The following IQCM variants were observed in gnomAD, a reference collection of about 807,000 sequenced individuals.
IQCM encodes the protein IQ domain-containing protein M.
Under a neutral mutation model 57.6 loss-of-function variants are expected in IQCM, and 45 were observed. That is an observed-to-expected ratio of 0.78 (90% confidence interval 0.62 to 1.00). IQCM has a LOEUF of 1.00. Among genes scored for constraint, IQCM ranks in the 50% least tolerant of loss-of-function variants. IQCM has a pLI of 0.00. For synonymous variants in IQCM, 148 were observed against 158.9 expected, an observed-to-expected ratio of 0.93 and a Z score of 0.51; for missense variants, 468 against 511.6, an observed-to-expected ratio of 0.91 and a Z score of 0.82.
chr4:149,738,475 C>G (rs577732864), intron 3 of IQCM, among the ~76,000 whole-genome samples: 2 of 152,294 alleles, frequency 1.3e-5, no homozygotes, highest in South Asian at 2.1e-4. Context: ...CTGATTTCCC[C>G]TGTCCACAAG....
intron 8 of IQCM, among the ~76,000 whole-genome samples, chr4:149,605,005 A>T (rs1207563965): frequency 6.6e-6 from 1 of 152,216 alleles, no homozygotes; most frequent in Non-Finnish European, 1.5e-5. Flanking sequence ...TCACAATCAC[A>T]TATCTGTTTA....
chr4:149,795,422 T>C (rs1773023947), intron 2 of IQCM, among the ~76,000 whole-genome samples: 1 of 152,148 alleles, frequency 6.6e-6, no homozygotes, highest in Admixed American at 6.5e-5. Flanking sequence ...GGGGAATCAC[T>C]GATCCCAGTG....
At chr4:149,475,526 T>A (rs1055725036) in intron 12 of IQCM, among the ~76,000 whole-genome samples, 2 of 152,014 alleles carry the variant, frequency 1.3e-5, no homozygotes, top group Non-Finnish European at 2.9e-5. Context: ...ATATACAGCA[T>A]ATAAATGATA....
chr4:149,631,750 C>T (rs936744007), intron 7 of IQCM, among the ~76,000 whole-genome samples: 7 of 152,166 alleles, frequency 4.6e-5, no homozygotes, highest in Non-Finnish European at 8.8e-5. Context: ...AAATACCTGA[C>T]TCACATACTG....
rs192657456 is a variant in IQCM, at chr4:149,691,399, G to A, written c.386-4931C>T. On this transcript the variant is annotated intron_variant, in intron 5 of 13. Coordinates refer to ENST00000636793, the MANE Select transcript of IQCM (RefSeq NM_001363507.2). ...GTATCTACTTAGTAAAAATTGCTAT[G>A]CTAACTCCTGGGAGGGGAGCAGTGT... 9.2e-5 allele frequency among the ~76,000 whole-genome samples: 14 copies of A among 152,206 alleles called. No homozygotes were observed. In the East Asian group the frequency reaches 2.7e-3, roughly 30 times the overall value.
chr4:149,776,418 C>G (rs2149999255), intron 2 of IQCM, among the ~76,000 whole-genome samples: 1 of 152,110 alleles, frequency 6.6e-6, no homozygotes, highest in East Asian at 1.9e-4. Context: ...AATGCTTGAA[C>G]TTAGGTTTTC....
intron 13 of IQCM, among the ~76,000 whole-genome samples, chr4:149,397,692 A>AT (rs1169584232): frequency 6.6e-6 from 1 of 151,952 alleles, no homozygotes; most frequent in Non-Finnish European, 1.5e-5. Context: ...TAATACAACA[A>AT]TTTTTTAGTC....
At chr4:149,747,313 C>G (rs1015479759) in intron 2 of IQCM, among the ~76,000 whole-genome samples, 6 of 152,214 alleles carry the variant, frequency 3.9e-5, no homozygotes, top group Middle Eastern at 3.4e-3. Flanking sequence ...TTCCAAGACC[C>G]CTGTAGATGT....
At chr4:149,763,036 C>A (rs1234210191) in intron 2 of IQCM, among the ~76,000 whole-genome samples, 1 of 152,024 alleles carries the variant, frequency 6.6e-6, no homozygotes, top group Admixed American at 6.6e-5. Context: ...AAGTTAAATT[C>A]AAAAGGCTAT....
chr4:149,366,033 TAGG>T (rs1729806907), intron 13 of IQCM, among the ~76,000 whole-genome samples: 1 of 152,100 alleles, frequency 6.6e-6, no homozygotes, highest in Non-Finnish European at 1.5e-5. Flanking sequence ...TAGATGTTAA[TAGG>T]AGAAGTAGGG....
At chr4:149,451,849 T>C (rs1219191513) in intron 12 of IQCM, among the ~76,000 whole-genome samples, 1 of 151,716 alleles carries the variant, frequency 6.6e-6, no homozygotes, top group African/African-American at 2.4e-5. Flanking sequence ...CCTTTCACCA[T>C]AGTGGTGATT....
chr4:149,532,731 T>A (rs1025968439), intron 12 of IQCM, among the ~76,000 whole-genome samples: 1 of 152,102 alleles, frequency 6.6e-6, no homozygotes, highest in Non-Finnish European at 1.5e-5. Flanking sequence ...ATCTCTTCCC[T>A]CCTTTCTACA....
At chr4:149,810,867 C>A (rs180749128) in intron 2 of IQCM, among the ~76,000 whole-genome samples, 32 of 152,146 alleles carry the variant, frequency 2.1e-4, no homozygotes, top group Admixed American at 9.2e-4. Context: ...TTTATATAAC[C>A]CGCCAAACTT....
chr4:149,475,484 G>A (rs1740083047), intron 12 of IQCM, among the ~76,000 whole-genome samples: 1 of 152,108 alleles, frequency 6.6e-6, no homozygotes, highest in Non-Finnish European at 1.5e-5. Context: ...GAGAGACTCT[G>A]GGCTAGAACT....
At chr4:149,663,030 G>A (rs180992462) in intron 7 of IQCM, among the ~76,000 whole-genome samples, 2 of 151,786 alleles carry the variant, frequency 1.3e-5, no homozygotes, top group East Asian at 3.9e-4. Flanking sequence ...TGTGATGCTA[G>A]GCTTTGTTTC....
At chr4:149,620,883 CT>C (rs1756274384) in intron 8 of IQCM, among the ~76,000 whole-genome samples, 1 of 152,136 alleles carries the variant, frequency 6.6e-6, no homozygotes, top group African/African-American at 2.4e-5. Context: ...GTGATGATCG[CT>C]TTAACCAATG....
chr4:149,444,378 G>A (rs1248056771), intron 12 of IQCM, among the ~76,000 whole-genome samples: 1 of 151,848 alleles, frequency 6.6e-6, no homozygotes, highest in East Asian at 1.9e-4. Flanking sequence ...TGCTGTTTGG[G>A]TGATATATTT....
intron 7 of IQCM, among the ~76,000 whole-genome samples, chr4:149,648,899 A>T (rs979917598): frequency 1.3e-5 from 2 of 152,038 alleles, no homozygotes; most frequent in Admixed American, 1.3e-4. Flanking sequence ...AAGTATAATA[A>T]AAAAAAGAAA....
rs543318585 is a variant in IQCM, at chr4:149,764,494, G to A, written c.-48-21755C>T. Among the ~76,000 whole-genome samples, 23 of 152,148 alleles carry A rather than the reference G, an allele frequency of 1.5e-4. 1 individual carries two copies. The highest frequency in any genetic ancestry group is 3.4e-3 in the Middle Eastern group (1 of 294). Reference sequence around the variant, plus strand: ...CACCTTCACATAATGTCTGCCTCCCGCCTCCCAGGCCCATACATCTCTCTC... The same window carrying A: ...CACCTTCACATAATGTCTGCCTCCCACCTCCCAGGCCCATACATCTCTCTC... On this transcript the variant is annotated intron_variant, in intron 2 of 13. Coordinates refer to ENST00000636793, the MANE Select transcript of IQCM (RefSeq NM_001363507.2).
Sources: allele counts gnomAD v4.1 joint callset (sites outside exome capture counted in the v4.1 genomes callset), GRCh38; gene constraint gnomAD v4.1.1; transcripts MANE v1.5; gene names NCBI Gene and HGNC (gene_info 2026-07-23, HGNC 2026-07-21).